The following NCK1 variants were observed in gnomAD, a reference collection of about 807,000 sequenced individuals.
NCK1 encodes the protein NCK adaptor protein 1.
NCK1 carries 19 observed loss-of-function variants against 36.6 expected under a neutral mutation model. The ratio of observed to expected loss-of-function variants is 0.52; its 90% CI spans 0.36 to 0.76. The LOEUF (loss-of-function observed/expected upper bound fraction) is 0.76, where lower values mean the gene tolerates loss of function less well. NCK1 is among the 30% of genes least tolerant of loss of function. NCK1 has a pLI of 0.00. For missense variants in NCK1, 358 were observed against 445.6 expected (o/e 0.80, Z 1.77); for synonymous variants, 165 against 156.0 (o/e 1.06, Z -0.43).
At chr3:136,882,969 AG>A (rs1169206734) in intron 1 of NCK1, among the ~76,000 whole-genome samples, 1 of 152,198 alleles carries the variant, frequency 6.6e-6, no homozygotes, top group Admixed American at 6.5e-5. Context: ...CCCAGGCTGG[AG>A]TGCAGTGGTG....
intron 1 of NCK1, among the ~76,000 whole-genome samples, chr3:136,862,989 A>C (rs1416445625): frequency 6.8e-6 from 1 of 146,728 alleles, no homozygotes; most frequent in Non-Finnish European, 1.5e-5. Flanking sequence ...TTGGTAAAAC[A>C]AAAAACCATT....
At chr3:136,866,706 T>C (rs1385693402) in intron 1 of NCK1, among the ~76,000 whole-genome samples, 1 of 151,888 alleles carries the variant, frequency 6.6e-6, no homozygotes, top group East Asian at 1.9e-4. Flanking sequence ...CTCCGTCTCC[T>C]TGGTTCAAGT....
At chr3:136,929,977 A>T (rs1940351121) in intron 2 of NCK1, among the ~76,000 whole-genome samples, 2 of 152,196 alleles carry the variant, frequency 1.3e-5, no homozygotes, top group African/African-American at 4.8e-5. Flanking sequence ...AAGTCTTAGG[A>T]AATCTCTGTT....
Position 136,862,304 on chromosome 3 carries a change from C to T in NCK1, c.-68C>T, listed in dbSNP as rs1938242294. Reference sequence around the variant, plus strand: ...CCATCACGGCGGCCGCAGTGGCGTCCTGGAGCCCTCCTCAGGTGAGCTGGA... The same window carrying T: ...CCATCACGGCGGCCGCAGTGGCGTCTTGGAGCCCTCCTCAGGTGAGCTGGA... On this transcript the variant is annotated 5_prime_UTR_variant, in exon 1 of 4. Coordinates refer to ENST00000481752, the MANE Select transcript of NCK1 (RefSeq NM_001291999.2). 1 of 152,820 alleles carries T rather than the reference C, an allele frequency of 6.5e-6. No individual in the cohort carries two copies. The highest frequency in any genetic ancestry group is 2.4e-5 in the African/African-American group (1 of 41,474). 9.5% of individuals were successfully genotyped at this position (152,820 alleles called of 1,614,324 possible).
chr3:136,867,442 C>T (rs1443285168), intron 1 of NCK1: 1 of 122,532 alleles, frequency 8.2e-6, no homozygotes, highest in African/African-American at 3.1e-5. Context: ...GATAGGGTCT[C>T]ACTGTGTTGT....
At chr3:136,932,043 C>G (rs1277461544) in intron 2 of NCK1, among the ~76,000 whole-genome samples, 1 of 151,080 alleles carries the variant, frequency 6.6e-6, no homozygotes, top group Non-Finnish European at 1.5e-5. Context: ...TCACTTGAAA[C>G]CAGAGGTAGA....
chr3:136,899,512 C>T (rs888381606), intron 1 of NCK1: 2 of 437,384 alleles, frequency 4.6e-6, no homozygotes, highest in African/African-American at 2.1e-5. Context: ...GAATCATCCT[C>T]AGAATCTTCA....
chr3:136,928,196 A>C lies in NCK1; in HGVS notation c.195A>C (p.Ala65=), dbSNP rs751517125. 6.2e-7 allele frequency: 1 copy of C among 1,613,766 alleles called. No individual in the cohort carries two copies. The highest frequency in any genetic ancestry group is 8.5e-7 in the Non-Finnish European group (1 of 1,179,994). The part of the protein sequence containing the change: ...YVERKNSARK[A]SIVKNLKDTL... The stretch of plus-strand genomic sequence containing the variant: ...AAAGGAAAAACAGTGCTCGGAAAGC[A>C]TCTATTGTGAAAAACCTAAAGGATA... The change falls in exon 2 of 4, where the codon GCA becomes GCC. Residue 65 remains alanine (A), a synonymous_variant. Transcript: ENST00000481752.
intron 2 of NCK1, chr3:136,930,569 G>C: frequency 6.7e-7 from 1 of 1,485,812 alleles, no homozygotes; most frequent in Non-Finnish European, 8.9e-7. Flanking sequence ...AAATGGATTG[G>C]TTAAACGTCT....
intron 1 of NCK1, among the ~76,000 whole-genome samples, chr3:136,870,024 A>C (rs62410399): frequency 7.5e-6 from 1 of 133,358 alleles, no homozygotes; most frequent in East Asian, 2.2e-4. Context: ...GATGTTTCTC[A>C]AAAGTTTTTT....
Position 136,948,876 on chromosome 3 carries a change from A to G in NCK1, c.*423A>G, listed in dbSNP as rs1470756559. On this transcript the variant is annotated 3_prime_UTR_variant, in exon 4 of 4. Coordinates refer to ENST00000481752, the MANE Select transcript of NCK1 (RefSeq NM_001291999.2). ...ATATCTATATATGACATATGCTAAA[A>G]TTTCTTGGAGAGTGTTAATCTTTTC... 6.6e-6 allele frequency: 1 copy of G among 152,376 alleles called. No individual in the cohort carries two copies. Among genetic ancestry groups the G allele is most frequent in the Non-Finnish European group, 1.5e-5 (1 of 67,912 alleles). The allele number at this position is 152,376 out of a possible 1,614,324, so 9.4% of individuals were successfully genotyped here.
chr3:136,880,661 C>T (rs1938908220), intron 1 of NCK1, among the ~76,000 whole-genome samples: 1 of 152,108 alleles, frequency 6.6e-6, no homozygotes, highest in Admixed American at 6.6e-5. Flanking sequence ...CAGGTTCTTG[C>T]TCTGTGACCC....
intron 1 of NCK1, among the ~76,000 whole-genome samples, chr3:136,872,624 C>G (rs540705315): frequency 6.6e-6 from 1 of 152,156 alleles, no homozygotes; most frequent in Non-Finnish European, 1.5e-5. Context: ...CAGGGCGTGT[C>G]GGAGGTCTTC....
At chr3:136,934,104 C>T (rs566509835) in intron 2 of NCK1, among the ~76,000 whole-genome samples, 7 of 152,074 alleles carry the variant, frequency 4.6e-5, no homozygotes, top group Non-Finnish European at 1.0e-4. Context: ...ACTGTAAGTG[C>T]TTTACACATA....
Position 136,951,106 on chromosome 3 carries a change from G to T in NCK1, c.*2653G>T, listed in dbSNP as rs1362054300. 6.6e-6 allele frequency among the ~76,000 whole-genome samples: 1 copy of T among 152,110 alleles called. No homozygotes were observed. Among genetic ancestry groups the T allele is most frequent in the Non-Finnish European group, 1.5e-5 (1 of 68,012 alleles). ...ATTGCCATTGCTAGAAGAATAAATA[G>T]GCCTAGCAGATGGGCAACTTGGGTT... On this transcript the variant is annotated 3_prime_UTR_variant, in exon 4 of 4. Transcript: ENST00000481752.
At chr3:136,943,121 C>T (rs1174171866) in intron 2 of NCK1, among the ~76,000 whole-genome samples, 2 of 152,144 alleles carry the variant, frequency 1.3e-5, no homozygotes, top group South Asian at 4.1e-4. Context: ...TTTACCAAGC[C>T]TTGCCCTAGA....
At chr3:136,927,295 C>T (rs1940267957) in intron 1 of NCK1, among the ~76,000 whole-genome samples, 3 of 151,632 alleles carry the variant, frequency 2.0e-5, no homozygotes, top group Admixed American at 6.6e-5. Flanking sequence ...TGTTTTGTTA[C>T]TCTGATAATA....
intron 1 of NCK1, among the ~76,000 whole-genome samples, chr3:136,911,230 C>T (rs1479789869): frequency 6.6e-6 from 1 of 152,096 alleles, no homozygotes; most frequent in Non-Finnish European, 1.5e-5. Context: ...ATAGATGTCC[C>T]TTTGCCATAT....
chr3:136,899,405 C>A, intron 1 of NCK1: 1 of 238,244 alleles, frequency 4.2e-6, no homozygotes. Context: ...GGGGATTTTA[C>A]CTTCATTTCT....
Sources: gnomAD v4.1 joint callset for allele counts (sites outside exome capture counted in the v4.1 genomes callset) on GRCh38, gnomAD v4.1.1 for gene constraint, MANE v1.5 for transcripts, NCBI Gene and HGNC (gene_info 2026-07-23, HGNC 2026-07-21) for gene names.